Variants in USP14 observed in about 807,000 individuals in gnomAD.
USP14 encodes the protein ubiquitin carboxyl-terminal hydrolase 14.
Under a neutral mutation model 76.5 loss-of-function variants are expected in USP14, and 38 were observed. That is an observed-to-expected ratio of 0.50 (90% CI 0.38 to 0.65). USP14 has a LOEUF of 0.65. USP14 is among the 30% of genes least tolerant of loss of function. The pLI, the probability that USP14 is intolerant of heterozygous loss-of-function variation, is 0.00. For missense variants in USP14, 467 were observed against 586.5 expected (o/e 0.80, Z 2.10); for synonymous variants, 192 against 191.7 (o/e 1.00, Z -0.01).
intron 2 of USP14, 74 bp from the exon 3 acceptor site, chr18:166,713 A>G: frequency 1.1e-6 from 1 of 913,574 alleles, no homozygotes; most frequent in East Asian, 2.3e-5. Flanking sequence ...AAGTACATTA[A>G]AATAAATTGA....
chr18:178,495 G>A (rs949786081), intron 3 of USP14, among the ~76,000 whole-genome samples: 2 of 152,136 alleles, frequency 1.3e-5, no homozygotes, highest in African/African-American at 4.8e-5. Flanking sequence ...ATTCACCTGT[G>A]TTTGATGTAC....
At chr18:178,467 C>A (rs1056360218) in intron 3 of USP14, among the ~76,000 whole-genome samples, 1 of 152,092 alleles carries the variant, frequency 6.6e-6, no homozygotes, top group Admixed American at 6.5e-5. Context: ...TATTCAGGTA[C>A]AATTTATATA....
intron 3 of USP14, among the ~76,000 whole-genome samples, chr18:174,352 G>A (rs1050663556): frequency 1.6e-4 from 24 of 147,350 alleles, no homozygotes; most frequent in Non-Finnish European, 3.1e-4. Context: ...TGCAGACTCC[G>A]CCTCCTGGCT....
At chr18:196,580 T>C in intron 6 of USP14, 57 bp from the exon 7 acceptor site, 1 of 1,531,146 alleles carries the variant, frequency 6.5e-7, no homozygotes, top group South Asian at 1.3e-5. Flanking sequence ...TAATTTACAG[T>C]CGCGTGTATT....
chr18:189,639 C>T (rs542674621), intron 5 of USP14, among the ~76,000 whole-genome samples: 4 of 152,188 alleles, frequency 2.6e-5, no homozygotes, highest in South Asian at 2.1e-4. Context: ...CGTGTCACAA[C>T]GCCCAGCTAG....
intron 10 of USP14, among the ~76,000 whole-genome samples, chr18:199,775 AAC>A (rs1219488635): frequency 6.6e-6 from 1 of 152,210 alleles, no homozygotes; most frequent in Admixed American, 6.5e-5. Flanking sequence ...CTTAAACAGA[AAC>A]ACACATAAAA....
At chr18:170,029 C>T (rs1471293917) in intron 3 of USP14, among the ~76,000 whole-genome samples, 7 of 152,020 alleles carry the variant, frequency 4.6e-5, no homozygotes, top group East Asian at 1.9e-4. Flanking sequence ...AGGCTGAGCG[C>T]GGTGGCTCAC....
intron 9 of USP14, 138 bp from the exon 10 acceptor site, chr18:199,064 A>AG: frequency 1.7e-6 from 1 of 587,846 alleles, no homozygotes; most frequent in Non-Finnish European, 3.0e-6. Context: ...TGTTGAAATG[A>AG]ATCTTGGGAG....
intron 5 of USP14, among the ~76,000 whole-genome samples, chr18:184,446 A>G (rs1909872865): frequency 6.6e-6 from 1 of 152,204 alleles, no homozygotes; most frequent in Non-Finnish European, 1.5e-5. Flanking sequence ...TGTCTTTGGC[A>G]GGTTCTATAG....
chr18:186,140 C>T (rs1290464211), intron 5 of USP14, among the ~76,000 whole-genome samples: 1 of 152,136 alleles, frequency 6.6e-6, no homozygotes, highest in Non-Finnish European at 1.5e-5. Context: ...GATGAAAATG[C>T]ATCATACATT....
At chr18:192,470 A>G (rs866822480) in intron 5 of USP14, among the ~76,000 whole-genome samples, 2 of 152,180 alleles carry the variant, frequency 1.3e-5, no homozygotes, top group Non-Finnish European at 2.9e-5. Flanking sequence ...AGGCTGAGGC[A>G]GGAGAAATTG....
At chr18:159,002 G>A in intron 1 of USP14, 1 of 354,988 alleles carries the variant, frequency 2.8e-6, no homozygotes. Flanking sequence ...ACGCTGCCCT[G>A]GTGTGCGGTG....
At chr18:184,570 G>A (rs1435267763) in intron 5 of USP14, among the ~76,000 whole-genome samples, 3 of 152,020 alleles carry the variant, frequency 2.0e-5, no homozygotes, top group Non-Finnish European at 2.9e-5. Flanking sequence ...CCTCGGCAAC[G>A]TGGCAAAACC....
At chr18:207,205 CT>C (rs780920742) in intron 13 of USP14, among the ~76,000 whole-genome samples, 11 of 144,658 alleles carry the variant, frequency 7.6e-5, no homozygotes, top group Non-Finnish European at 1.4e-4. Context: ...ACCAGACTGA[CT>C]TGATTACTGT....
At chr18:210,550 A>G in intron 15 of USP14, 57 bp downstream of exon 15, 1 of 1,314,588 alleles carries the variant, frequency 7.6e-7, no homozygotes, top group Non-Finnish European at 1.1e-6. Context: ...CATTTATTAT[A>G]AATTTTATAG....
chr18:209,916 T>C, intron 13 of USP14, 55 bp from the exon 14 acceptor site: 1 of 1,395,678 alleles, frequency 7.2e-7, no homozygotes, highest in Non-Finnish European at 1.0e-6. Flanking sequence ...TTACAGAGAA[T>C]TCAAATTTTA....
chr18:167,807 G>A (rs148494862), intron 3 of USP14, among the ~76,000 whole-genome samples: 1 of 151,844 alleles, frequency 6.6e-6, no homozygotes, highest in Non-Finnish European at 1.5e-5. Context: ...GTGAGTCACT[G>A]TGCCCAGCCC....
chr18:180,755 C>T (rs1909765534), intron 5 of USP14, among the ~76,000 whole-genome samples: 2 of 152,268 alleles, frequency 1.3e-5, no homozygotes, highest in South Asian at 4.1e-4. Flanking sequence ...CACGTAACAC[C>T]TCATTCCTAT....
At chr18:197,937 T>C in intron 8 of USP14, 110 bp from the exon 9 acceptor site, 1 of 914,986 alleles carries the variant, frequency 1.1e-6, no homozygotes, top group South Asian at 2.2e-5. Context: ...AGGATTTTAC[T>C]GTAAGGGACT....
Sources: allele counts gnomAD v4.1 joint callset (sites outside exome capture counted in the v4.1 genomes callset), GRCh38; gene constraint gnomAD v4.1.1; transcripts MANE v1.5; gene names NCBI Gene and HGNC (gene_info 2026-07-23, HGNC 2026-07-21).